Variants in GOLGA4 observed in about 807,000 individuals in gnomAD.
The protein encoded by GOLGA4 is golgin subfamily A member 4.
GOLGA4 carries 169 observed loss-of-function variants against 265.9 expected under a neutral mutation model. The ratio of observed to expected loss-of-function variants is 0.64; its 90% CI spans 0.56 to 0.72. The LOEUF (loss-of-function observed/expected upper bound fraction) is 0.72, where lower values mean the gene tolerates loss of function less well. GOLGA4 is among the 30% of genes least tolerant of loss of function. GOLGA4 has a pLI of 0.00. For missense variants in GOLGA4, 2,482 were observed against 2,483.4 expected (o/e 1.00, Z 0.01); for synonymous variants, 923 against 855.8 (o/e 1.08, Z -1.37).
chr3:37,277,367 C>G (rs1269184277), intron 2 of GOLGA4, among the ~76,000 whole-genome samples: 1 of 152,140 alleles, frequency 6.6e-6, no homozygotes, highest in Non-Finnish European at 1.5e-5. Flanking sequence ...TTTCATAAAT[C>G]CCCTCATAGG....
chr3:37,271,035 A>G (rs1326575819), intron 2 of GOLGA4, among the ~76,000 whole-genome samples: 1 of 152,072 alleles, frequency 6.6e-6, no homozygotes, highest in African/African-American at 2.4e-5. Flanking sequence ...TCATATGCAC[A>G]GTTCACAGCA....
chr3:37,249,990 C>A (rs1286567658), intron 1 of GOLGA4: 2 of 152,236 alleles, frequency 1.3e-5, no homozygotes, highest in Non-Finnish European at 2.9e-5. Flanking sequence ...ACATCACTCA[C>A]TTATGACTCG....
intron 2 of GOLGA4, among the ~76,000 whole-genome samples, chr3:37,271,314 A>G (rs2096798056): frequency 6.6e-6 from 1 of 152,182 alleles, no homozygotes; most frequent in Non-Finnish European, 1.5e-5. Context: ...ACACAGGTAG[A>G]TGCCATGTAG....
At chr3:37,251,535 A>C in intron 2 of GOLGA4, 51 bp downstream of exon 2, 1 of 1,122,022 alleles carries the variant, frequency 8.9e-7, no homozygotes, top group Non-Finnish European at 1.4e-6. Flanking sequence ...AACTAATCTA[A>C]AATGTATGCT....
At chr3:37,293,754 G>A (rs1480439624) in intron 5 of GOLGA4, among the ~76,000 whole-genome samples, 6 of 152,168 alleles carry the variant, frequency 3.9e-5, no homozygotes, top group Non-Finnish European at 8.8e-5. Context: ...TAAAGCCATG[G>A]TCAGCAGGTA....
intron 23 of GOLGA4, among the ~76,000 whole-genome samples, chr3:37,362,233 A>AT (rs1418209922): frequency 2.1e-5 from 1 of 46,738 alleles, no homozygotes; most frequent in African/African-American, 4.2e-5. Flanking sequence ...TTATTTATTT[A>AT]TTTATTATTT....
intron 11 of GOLGA4, among the ~76,000 whole-genome samples, chr3:37,317,082 T>C (rs181814158): frequency 6.6e-6 from 1 of 152,342 alleles, no homozygotes; most frequent in East Asian, 1.9e-4. Context: ...GATTCTATTG[T>C]ATGAATGTCC....
chr3:37,345,975 T>C (rs1410234893), intron 20 of GOLGA4, among the ~76,000 whole-genome samples: 1 of 152,056 alleles, frequency 6.6e-6, no homozygotes, highest in African/African-American at 2.4e-5. Flanking sequence ...TCTGCCTATT[T>C]AATAAAATTG....
At chr3:37,361,808 G>T (rs1284713414) in intron 23 of GOLGA4, among the ~76,000 whole-genome samples, 2 of 152,220 alleles carry the variant, frequency 1.3e-5, no homozygotes, top group African/African-American at 2.4e-5. Context: ...CCTGAAATCA[G>T]ACAGTTTAAC....
chr3:37,318,335 C>A (rs968904368), intron 11 of GOLGA4, among the ~76,000 whole-genome samples: 1 of 152,122 alleles, frequency 6.6e-6, no homozygotes, highest in Non-Finnish European at 1.5e-5. Flanking sequence ...GCATAAGCCA[C>A]CATGCCCCAC....
chr3:37,269,920 G>T (rs1446432203), intron 2 of GOLGA4, among the ~76,000 whole-genome samples: 3 of 116,196 alleles, frequency 2.6e-5, no homozygotes, highest in East Asian at 2.7e-4. Context: ...TTGAGGCAGA[G>T]TCTCGCTCTG....
rs1281105136 is a variant in GOLGA4, at chr3:37,325,832, C to T, written c.3946C>T (p.Leu1316Phe). Residue 1316 changes from leucine (L) to phenylalanine (F), a missense_variant, in exon 14 of 24, where the codon CTT (leucine) becomes TTT (phenylalanine). Physicochemically the swap from Leu to Phe is conservative, Grantham distance 22. Transcript: ENST00000361924. ...IKSMKADIESLVTEKEALQKE... is the reference protein window; with the variant it reads ...IKSMKADIESFVTEKEALQKE... ...GAGCATGAAGGCTGATATTGAAAGT[C>T]TTGTAACAGAAAAAGAAGCCTTACA... The T allele has an allele frequency of 6.2e-7, 1 of 1,613,204 alleles. No individual in the cohort carries two copies. Among genetic ancestry groups the T allele is most frequent in the South Asian group, 1.1e-5 (1 of 91,024 alleles).
At chr3:37,333,036 G>A (rs1205147893) in intron 16 of GOLGA4, among the ~76,000 whole-genome samples, 1 of 152,146 alleles carries the variant, frequency 6.6e-6, no homozygotes. Flanking sequence ...GTGAGAATCT[G>A]GCCCAGTGCC....
chr3:37,332,374 G>T (rs2096993579), intron 16 of GOLGA4, among the ~76,000 whole-genome samples: 2 of 152,200 alleles, frequency 1.3e-5, no homozygotes, highest in African/African-American at 2.4e-5. Flanking sequence ...ACGCCCAGTG[G>T]CTTATGCCTG....
intron 2 of GOLGA4, among the ~76,000 whole-genome samples, chr3:37,258,138 T>TATAGC (rs2096758945): frequency 1.5e-5 from 2 of 137,798 alleles, no homozygotes; most frequent in Non-Finnish European, 1.5e-5. Context: ...ATGCTCTGTA[T>TATAGC]ATATATATGT....
intron 2 of GOLGA4, among the ~76,000 whole-genome samples, chr3:37,258,305 TATAG>T (rs1314778350): frequency 6.7e-6 from 1 of 150,368 alleles, no homozygotes; most frequent in African/African-American, 2.4e-5. Flanking sequence ...CATATATATA[TATAG>T]AGAGCATATA....
At chr3:37,308,626 A>T (rs574473696) in intron 10 of GOLGA4, among the ~76,000 whole-genome samples, 48 of 150,376 alleles carry the variant, frequency 3.2e-4, no homozygotes, top group East Asian at 2.0e-3. Context: ...ATATATATAT[A>T]TTTTTTTGAG....
At chr3:37,273,165 A>G (rs1039427332) in intron 2 of GOLGA4, among the ~76,000 whole-genome samples, 4 of 152,208 alleles carry the variant, frequency 2.6e-5, no homozygotes, top group Non-Finnish European at 5.9e-5. Context: ...AATTGAAATT[A>G]CTTCCTTTTC....
chr3:37,339,895 T>C (rs1018899195), intron 19 of GOLGA4, among the ~76,000 whole-genome samples: 3 of 151,692 alleles, frequency 2.0e-5, no homozygotes, highest in Non-Finnish European at 4.4e-5. Context: ...GTGTAATTTA[T>C]GTATTTTTTT....
Sources: allele counts gnomAD v4.1 joint callset (sites outside exome capture counted in the v4.1 genomes callset), GRCh38; gene constraint gnomAD v4.1.1; transcripts MANE v1.5; gene names NCBI Gene and HGNC (gene_info 2026-07-23, HGNC 2026-07-21).